The following THSD7A variants were observed in gnomAD, a reference collection of about 807,000 sequenced individuals.
THSD7A encodes thrombospondin type 1 domain containing 7A.
In THSD7A, 96 loss-of-function variants were observed where a neutral mutation model predicts 231.3. The ratio of observed to expected loss-of-function variants is 0.41; its 90% CI spans 0.35 to 0.49. The LOEUF (loss-of-function observed/expected upper bound fraction) is 0.49, where lower values mean the gene tolerates loss of function less well. Among genes scored for constraint, THSD7A ranks in the 20% least tolerant of loss-of-function variants. THSD7A has a pLI of 0.05. For missense variants in THSD7A, 2,290 were observed against 2,070.2 expected, an observed-to-expected ratio of 1.11 and a Z score of -2.06; for synonymous variants, 940 against 743.3, an observed-to-expected ratio of 1.26 and a Z score of -4.30.
At chr7:11,763,419 T>C (rs1486317756) in intron 1 of THSD7A, among the ~76,000 whole-genome samples, 1 of 152,240 alleles carries the variant, frequency 6.6e-6, no homozygotes, top group African/African-American at 2.4e-5. Context: ...TACATCAAAA[T>C]AGTTTTACAT....
rs924375268 is a variant in THSD7A, at chr7:11,388,162, CTTTT to C, written c.4412-5550_4412-5547del. Among the ~76,000 whole-genome samples, 5 of 142,568 alleles carry C rather than the reference CTTTT, an allele frequency of 3.5e-5. No homozygotes were observed. In the East Asian group the frequency reaches 8.2e-4, roughly 23 times the overall value. 93.5% of individuals were successfully genotyped at this position (142,568 alleles called of 152,430 possible). The stretch of plus-strand genomic sequence containing the variant: ...ATCAGGGATATTGGCCTGAAATTTT[CTTTT>C]TTTTTTTGTTGTGTCTTGGTATCAG... On this transcript the variant is annotated intron_variant, in intron 23 of 27. Coordinates refer to ENST00000423059, the MANE Select transcript of THSD7A (RefSeq NM_015204.3).
chr7:11,501,229 G>A (rs1453231213), intron 6 of THSD7A, among the ~76,000 whole-genome samples: 2 of 152,178 alleles, frequency 1.3e-5, no homozygotes, highest in Non-Finnish European at 2.9e-5. Flanking sequence ...CATTGAGGCA[G>A]AATATCAATA....
intron 4 of THSD7A, among the ~76,000 whole-genome samples, chr7:11,557,884 A>C (rs1789915366): frequency 6.6e-6 from 1 of 152,162 alleles, no homozygotes; most frequent in South Asian, 2.1e-4. Flanking sequence ...GACTCATTAC[A>C]GTATCACAAG....
rs1218076827 is a variant in THSD7A, at chr7:11,406,056, C to G, written c.4237+244G>C. On this transcript the variant is annotated intron_variant, in intron 22 of 27. Coordinates refer to ENST00000423059, the MANE Select transcript of THSD7A (RefSeq NM_015204.3). This position sits in a 1 kb window ranked among gnomAD's most constrained non-coding sequence, Gnocchi z 4.7. ...GGCTTAAGGCCTTAAATACCATCTC[C>G]TGCAGATGTTAAAACTCCAGAGGGT... 2.0e-5 allele frequency among the ~76,000 whole-genome samples: 3 copies of G among 152,144 alleles called. No homozygotes were observed. Among genetic ancestry groups the G allele is most frequent in the Non-Finnish European group, 2.9e-5 (2 of 68,032 alleles).
chr7:11,547,722 A>C (rs572832528), intron 4 of THSD7A, among the ~76,000 whole-genome samples: 1 of 152,234 alleles, frequency 6.6e-6, no homozygotes, highest in Non-Finnish European at 1.5e-5. Context: ...TCAAAAGCAT[A>C]CAATTACATG....
intron 2 of THSD7A, among the ~76,000 whole-genome samples, chr7:11,631,873 C>T (rs893771801): frequency 6.6e-6 from 1 of 152,094 alleles, no homozygotes; most frequent in African/African-American, 2.4e-5. Context: ...CAATCCTGAC[C>T]AATGGCCTCC....
At chr7:11,821,432 T>A in intron 1 of THSD7A, 1 of 285,654 alleles carries the variant, frequency 3.5e-6, no homozygotes, top group Non-Finnish European at 6.7e-6. Flanking sequence ...TAGGCATATA[T>A]AGTAATATTA....
intron 1 of THSD7A, among the ~76,000 whole-genome samples, chr7:11,664,262 C>T (rs1018629192): frequency 6.6e-6 from 1 of 151,694 alleles, no homozygotes; most frequent in East Asian, 1.9e-4. Flanking sequence ...GTATGTTGTC[C>T]CTGCTTACAG....
At chr7:11,422,695 C>T (rs1583710670) in intron 16 of THSD7A, among the ~76,000 whole-genome samples, 4 of 151,944 alleles carry the variant, frequency 2.6e-5, no homozygotes. Flanking sequence ...GCTATGTGGC[C>T]AGGCTGGAGG....
chr7:11,718,011 T>C (rs1460434054), intron 1 of THSD7A, among the ~76,000 whole-genome samples: 1 of 151,672 alleles, frequency 6.6e-6, no homozygotes. Context: ...TCAAAACTAA[T>C]CTCTATGCAC....
chr7:11,531,374 C>T (rs991998569), intron 6 of THSD7A, among the ~76,000 whole-genome samples: 1 of 152,120 alleles, frequency 6.6e-6, no homozygotes. Context: ...GTTTCAAACC[C>T]TTCAATAGAT....
At chr7:11,515,216 A>G (rs972273893) in intron 6 of THSD7A, among the ~76,000 whole-genome samples, 1 of 152,142 alleles carries the variant, frequency 6.6e-6, no homozygotes, top group Non-Finnish European at 1.5e-5. Flanking sequence ...TATTCATTAG[A>G]CTCTGTATCA....
chr7:11,707,019 C>CT (rs1780791253), intron 1 of THSD7A, among the ~76,000 whole-genome samples: 1 of 150,590 alleles, frequency 6.6e-6, no homozygotes, highest in African/African-American at 2.4e-5. Flanking sequence ...CTAGAGAAAA[C>CT]TTTTTCCACA....
intron 13 of THSD7A, among the ~76,000 whole-genome samples, chr7:11,439,139 G>C (rs1311442517): frequency 6.6e-6 from 1 of 151,714 alleles, no homozygotes; most frequent in African/African-American, 2.4e-5. Context: ...ATCTGAATTG[G>C]GCTTTGATTT....
intron 1 of THSD7A, among the ~76,000 whole-genome samples, chr7:11,780,501 A>T (rs898442179): frequency 1.3e-5 from 2 of 152,138 alleles, no homozygotes; most frequent in African/African-American, 4.8e-5. Flanking sequence ...ATGTGACAAT[A>T]AATTAAGGTC....
At position 11,429,098 on chromosome 7, in the gene THSD7A, G is replaced by C; in HGVS notation, c.3092C>G (p.Pro1031Arg). The change falls in exon 14 of 28, where the codon CCC (proline) becomes CGC (arginine). Residue 1031 changes from proline to arginine, a missense_variant. Transcript: ENST00000423059. ...HGYIEEACII[P>R]CPSDCKLSEW... ...ACTGAGCTTGCAGTCTGAGGGGCAG[G>C]GGATGATGCAGGCCTCCTCAATGTA... The C allele has an allele frequency of 6.2e-7, 1 of 1,608,046 alleles. No homozygotes were observed. The highest frequency in any genetic ancestry group is 8.5e-7 in the Non-Finnish European group (1 of 1,177,890).
intron 1 of THSD7A, among the ~76,000 whole-genome samples, chr7:11,716,467 A>G (rs1288109210): frequency 2.0e-5 from 3 of 151,614 alleles, no homozygotes; most frequent in Non-Finnish European, 4.4e-5. Flanking sequence ...AGACATCCAC[A>G]TTCCTTTAAG....
chr7:11,481,994 A>G lies in THSD7A; in HGVS notation c.1823-12T>C, dbSNP rs1786446637. 1 of 1,585,392 alleles carries G rather than the reference A, an allele frequency of 6.3e-7. No individual in the cohort carries two copies. The highest frequency in any genetic ancestry group is 8.6e-7 in the Non-Finnish European group (1 of 1,162,886). On this transcript the variant is annotated splice_polypyrimidine_tract_variant and intron_variant, in intron 6 of 27. Transcript: ENST00000423059. ...GTCAACTTCTTCTCCTGGGGAAAAC[A>G]TGACCACCAACAGCTATTATTGTTA... is the stretch of plus-strand genomic sequence containing the variant.
intron 9 of THSD7A, among the ~76,000 whole-genome samples, chr7:11,467,878 C>T (rs1373999118): frequency 6.6e-6 from 1 of 151,608 alleles, no homozygotes; most frequent in Non-Finnish European, 1.5e-5. Flanking sequence ...ATTCCAATAT[C>T]CAAAATTATT....
Sources: allele counts gnomAD v4.1 joint callset (sites outside exome capture counted in the v4.1 genomes callset), GRCh38; gene constraint gnomAD v4.1.1; non-coding constraint Gnocchi (gnomAD v3.1); transcripts MANE v1.5; gene names NCBI Gene and HGNC (gene_info 2026-07-23, HGNC 2026-07-21).